NTRK3: variants seen among roughly 807,000 people sequenced by gnomAD.
NTRK3 encodes the protein neurotrophic receptor tyrosine kinase 3.
A neutral mutation model predicts 91.7 loss-of-function variants in NTRK3; 24 were observed. That is an observed-to-expected ratio of 0.26 (90% CI 0.19 to 0.37). The LOEUF (loss-of-function observed/expected upper bound fraction) is 0.37. Among genes scored for constraint, NTRK3 ranks in the 10% least tolerant of loss-of-function variants. The probability of loss-of-function intolerance (pLI) is 1.00; values close to 1 mark genes in which losing one functional copy is unlikely to be tolerated. For synonymous variants in NTRK3, 483 were observed against 404.0 expected, an observed-to-expected ratio of 1.20 and a Z score of -2.34; for missense variants, 880 against 1,068.9, an observed-to-expected ratio of 0.82 and a Z score of 2.46.
At chr15:88,048,120 C>T (rs567950564) in intron 13 of NTRK3, among the ~76,000 whole-genome samples, 45 of 152,268 alleles carry the variant, frequency 3.0e-4, no homozygotes, top group Non-Finnish European at 5.6e-4. Context: ...CATTGATTTT[C>T]CACTCCCTCT....
At chr15:87,903,582 T>G (rs2066580886) in intron 17 of NTRK3, among the ~76,000 whole-genome samples, 1 of 152,206 alleles carries the variant, frequency 6.6e-6, no homozygotes, top group Non-Finnish European at 1.5e-5. Context: ...AGTTCAAAGA[T>G]TAATTACTAT....
chr15:87,932,906 G>T, intron 16 of NTRK3, 106 bp downstream of exon 16: 1 of 1,128,844 alleles, frequency 8.9e-7, no homozygotes, highest in Non-Finnish European at 1.3e-6. Flanking sequence ...TTCTCATCCT[G>T]AGAGGAAAGT....
intron 13 of NTRK3, among the ~76,000 whole-genome samples, chr15:88,036,808 G>A (rs2079111412): frequency 2.0e-5 from 3 of 152,246 alleles, no homozygotes; most frequent in South Asian, 2.1e-4. Context: ...CTCCAACCCC[G>A]CCCCTTTCTG....
chr15:88,232,406 A>G lies in NTRK3; in HGVS notation c.248+23500T>C, dbSNP rs75016984. Among the ~76,000 whole-genome samples, 31 of 152,344 alleles carry G rather than the reference A, an allele frequency of 2.0e-4. No homozygotes were observed. The East Asian group carries it at 6.0e-3, about 29-fold the overall frequency. On this transcript the variant is annotated intron_variant, in intron 3 of 18. Coordinates refer to ENST00000394480, the Ensembl canonical transcript of NTRK3. ...TACCCTCTGCAATATCTGGCTATGC[A>G]CAGCACAGATGCTCAAATAATGGAG...
At chr15:87,880,220 G>A (rs2141464560) in intron 18 of NTRK3, 50 bp downstream of exon 19, 2 of 1,611,104 alleles carry the variant, frequency 1.2e-6, no homozygotes, top group Middle Eastern at 1.8e-4. Flanking sequence ...GGCTGAGATA[G>A]CTCTTATGAG....
intron 3 of NTRK3, among the ~76,000 whole-genome samples, chr15:88,208,899 G>A (rs1265864745): frequency 1.8e-5 from 1 of 55,802 alleles, no homozygotes; most frequent in Admixed American, 1.7e-4. Context: ...CAAGTTAGAG[G>A]GCCAACGAAT....
chr15:88,137,845 G>A (rs2042020767), intron 6 of NTRK3, among the ~76,000 whole-genome samples: 1 of 152,244 alleles, frequency 6.6e-6, no homozygotes, highest in African/African-American at 2.4e-5. Flanking sequence ...GAGGTCAAGA[G>A]ATTGAGACCA....
At chr15:88,216,273 G>T (rs964956937) in intron 3 of NTRK3, among the ~76,000 whole-genome samples, 11 of 152,150 alleles carry the variant, frequency 7.2e-5, no homozygotes, top group Non-Finnish European at 1.3e-4. Flanking sequence ...TCTGCATTAG[G>T]AAGGACTGTC....
intron 14 of NTRK3, among the ~76,000 whole-genome samples, chr15:87,950,289 A>C (rs2070980217): frequency 6.6e-6 from 1 of 152,218 alleles, no homozygotes; most frequent in African/African-American, 2.4e-5. Context: ...TGAACCGTAG[A>C]AGGGGAGACC....
At chr15:87,862,200 A>G (rs2064547482) in exon 19 of NTRK3, 1 of 222,112 alleles carries the variant, frequency 4.5e-6, no homozygotes, top group Non-Finnish European at 9.0e-6. Flanking sequence ...CACTGGAATG[A>G]GATTCACTCA....
At chr15:88,097,860 T>C (rs1432820398) in intron 13 of NTRK3, among the ~76,000 whole-genome samples, 1 of 152,240 alleles carries the variant, frequency 6.6e-6, no homozygotes, top group East Asian at 1.9e-4. Flanking sequence ...ACAGTGTTTA[T>C]TTTGGGGTGC....
intron 14 of NTRK3, among the ~76,000 whole-genome samples, chr15:87,986,405 T>G (rs1211493148): frequency 6.6e-6 from 1 of 152,272 alleles, no homozygotes; most frequent in African/African-American, 2.4e-5. Flanking sequence ...AGAACCCATG[T>G]GAGTTCACAT....
intron 5 of NTRK3, among the ~76,000 whole-genome samples, chr15:88,158,473 G>A (rs1480072332): frequency 6.6e-6 from 1 of 152,206 alleles, no homozygotes. Context: ...CAGGGCCTGA[G>A]GTCCAGGGAA....
chr15:88,152,685 T>A (rs2043498062), intron 5 of NTRK3, among the ~76,000 whole-genome samples: 1 of 152,208 alleles, frequency 6.6e-6, no homozygotes, highest in Non-Finnish European at 1.5e-5. Context: ...CGGCCCCTCA[T>A]TTGCCCTGAG....
At chr15:87,931,968 C>A (rs958119370) in intron 16 of NTRK3, among the ~76,000 whole-genome samples, 1 of 152,208 alleles carries the variant, frequency 6.6e-6, no homozygotes, top group African/African-American at 2.4e-5. Context: ...CCTAAGTATA[C>A]AGGGCCTGTG....
At chr15:87,907,198 C>T (rs1039553888) in intron 17 of NTRK3, among the ~76,000 whole-genome samples, 7 of 152,084 alleles carry the variant, frequency 4.6e-5, no homozygotes, top group Non-Finnish European at 8.8e-5. Flanking sequence ...GAGTTTGAAC[C>T]CGATGCGACT....
rs772028083 is a variant in NTRK3, at chr15:88,135,425, C to G, written c.908-28G>C. Reference sequence around the variant, plus strand: ...GTCAAGGGAGAAGCCTGCTGAAATCCAGGACACAGAGTCTACCACCTCCTG... The same window carrying G: ...GTCAAGGGAGAAGCCTGCTGAAATCGAGGACACAGAGTCTACCACCTCCTG... On this transcript the variant is annotated intron_variant, in intron 9 of 18. Coordinates refer to ENST00000394480, the Ensembl canonical transcript of NTRK3. The G allele has an allele frequency of 3.7e-6, 6 of 1,609,392 alleles. No individual in the cohort carries two copies. In the East Asian group the frequency reaches 1.3e-4, roughly 36 times the overall value.
chr15:88,192,387 T>G (rs2047477541), intron 3 of NTRK3, among the ~76,000 whole-genome samples: 2 of 152,140 alleles, frequency 1.3e-5, no homozygotes. Context: ...CTTCTATTTT[T>G]ACTGCTGCTG....
exon 19 of NTRK3, chr15:87,876,840 T>C: frequency 7.2e-7 from 1 of 1,388,310 alleles, no homozygotes; most frequent in Non-Finnish European, 1.0e-6. Context: ...GATGTTCGCT[T>C]CAGTCAAGGA....
Sources: allele counts gnomAD v4.1 joint callset (sites outside exome capture counted in the v4.1 genomes callset), GRCh38; gene constraint gnomAD v4.1.1; transcripts MANE v1.5; gene names NCBI Gene and HGNC (gene_info 2026-07-23, HGNC 2026-07-21).